The following BTBD9 variants were observed in gnomAD, a reference collection of about 807,000 sequenced individuals.
BTBD9 encodes the protein BTB/POZ domain-containing protein 9.
Under a neutral mutation model 64.3 loss-of-function variants are expected in BTBD9, and 49 were observed. That is an observed-to-expected ratio of 0.76 (90% confidence interval 0.61 to 0.97). The LOEUF is 0.97. Ranked by LOEUF, BTBD9 falls within the 50% of genes least tolerant of loss-of-function variation. The pLI, the probability that BTBD9 is intolerant of heterozygous loss-of-function variation, is 0.00. For synonymous variants in BTBD9, 260 were observed against 274.7 expected, an observed-to-expected ratio of 0.95 and a Z score of 0.53; for missense variants, 598 against 762.1, an observed-to-expected ratio of 0.78 and a Z score of 2.53.
chr6:38,266,621 AGAAAGAAAGAAAGAAAGAAAGAAAGAAAG>A (rs1764996690), intron 8 of BTBD9, among the ~76,000 whole-genome samples: 1 of 40,148 alleles, frequency 2.5e-5, no homozygotes, highest in African/African-American at 1.2e-4. Context: ...AAAGAAAGAA[AGAAAGAAAGAAAGAAAGAAAGAAAGAAAG>A]AAAGAAAGAA....
At chr6:38,452,321 G>A (rs1769591326) in intron 6 of BTBD9, among the ~76,000 whole-genome samples, 1 of 152,008 alleles carries the variant, frequency 6.6e-6, no homozygotes, top group Non-Finnish European at 1.5e-5. Flanking sequence ...TAGTTCCAAA[G>A]CCAATACAGT....
intron 9 of BTBD9, among the ~76,000 whole-genome samples, chr6:38,249,218 T>C (rs1044581025): frequency 6.6e-6 from 1 of 152,184 alleles, no homozygotes; most frequent in Non-Finnish European, 1.5e-5. Context: ...AAATTACTTA[T>C]AGATTTGTTC....
chr6:38,325,679 C>T lies in BTBD9; in HGVS notation c.1264+19305G>A, dbSNP rs193112027. On this transcript the variant is annotated intron_variant, in intron 7 of 10. Transcript: ENST00000481247. The stretch of plus-strand genomic sequence containing the variant: ...CAGCCTGGGCAACAGAGCAAGACTC[C>T]GTCTCAAAAACAAAAAAACAAAACA... 2.0e-4 allele frequency among the ~76,000 whole-genome samples: 30 copies of T among 152,086 alleles called. 1 individual carries two copies. Among genetic ancestry groups the T allele is most frequent in the Non-Finnish European group, 4.0e-4 (27 of 67,988 alleles).
intron 9 of BTBD9, among the ~76,000 whole-genome samples, chr6:38,238,297 T>C (rs893678313): frequency 1.3e-5 from 2 of 152,150 alleles, no homozygotes; most frequent in African/African-American, 2.4e-5. Context: ...TAGGGAGACG[T>C]GAGACGTCAA....
rs1189149393 is a variant in BTBD9, at chr6:38,175,048, A to G, written c.1776T>C (p.Ser592=). 6.2e-7 allele frequency: 1 copy of G among 1,614,190 alleles called. No individual in the cohort carries two copies. Among genetic ancestry groups the G allele is most frequent in the East Asian group, 2.2e-5 (1 of 44,884 alleles). Residue 592 remains serine (S), a synonymous_variant, in exon 11 of 11, where the codon AGT becomes AGC. Transcript: ENST00000481247. ...QLDSHALRAP[S]GSSLPSSPGS... ...CTGGGCTGGAGGGTAGTGAGCTGCC[A>G]CTAGGCGCCCGCAGCGCATGGGAGT...
At chr6:38,269,804 C>G (rs1765138346) in intron 8 of BTBD9, among the ~76,000 whole-genome samples, 1 of 152,210 alleles carries the variant, frequency 6.6e-6, no homozygotes, top group Non-Finnish European at 1.5e-5. Flanking sequence ...AGCATTCCCT[C>G]TTTGGAATGT....
At chr6:38,260,894 T>C (rs565896764) in intron 8 of BTBD9, among the ~76,000 whole-genome samples, 1 of 152,336 alleles carries the variant, frequency 6.6e-6, no homozygotes, top group South Asian at 2.1e-4. Flanking sequence ...ATCAATCTAT[T>C]ATTATCTGAC....
intron 6 of BTBD9, among the ~76,000 whole-genome samples, chr6:38,570,325 T>C (rs1445235800): frequency 6.6e-6 from 1 of 152,222 alleles, no homozygotes; most frequent in Non-Finnish European, 1.5e-5. Flanking sequence ...TTTCTTTACC[T>C]TGATTCTTGC....
intron 6 of BTBD9, among the ~76,000 whole-genome samples, chr6:38,396,380 T>C (rs565418682): frequency 5.1e-4 from 78 of 152,352 alleles, no homozygotes; most frequent in African/African-American, 1.7e-3. Context: ...TAACATATAC[T>C]GAGTCACCCT....
chr6:38,344,940 A>T (rs1226669342), intron 7 of BTBD9, 44 bp downstream of exon 7: 1 of 1,265,146 alleles, frequency 7.9e-7, no homozygotes, highest in Non-Finnish European at 1.1e-6. Flanking sequence ...ATTTGAAGAT[A>T]AAATATCCAA....
At chr6:38,608,624 T>C (rs903716093) in intron 1 of BTBD9, among the ~76,000 whole-genome samples, 2 of 152,210 alleles carry the variant, frequency 1.3e-5, no homozygotes, top group Non-Finnish European at 2.9e-5. Context: ...GAAATTGGCT[T>C]TTCATTTGTA....
chr6:38,464,864 G>A (rs561362829), intron 6 of BTBD9, among the ~76,000 whole-genome samples: 1 of 152,254 alleles, frequency 6.6e-6, no homozygotes, highest in South Asian at 2.1e-4. Flanking sequence ...CTCAGAGACT[G>A]AACTGGGAAA....
At chr6:38,443,702 G>A (rs772158029) in intron 6 of BTBD9, among the ~76,000 whole-genome samples, 12 of 151,908 alleles carry the variant, frequency 7.9e-5, no homozygotes, top group East Asian at 5.8e-4. Flanking sequence ...CCAATTAATC[G>A]CCAAGTCCTA....
chr6:38,460,851 G>A (rs1040978022), intron 6 of BTBD9, among the ~76,000 whole-genome samples: 1 of 152,206 alleles, frequency 6.6e-6, no homozygotes, highest in Admixed American at 6.5e-5. Context: ...TCCGTCTCCT[G>A]ACCTCAGGTG....
At chr6:38,266,626 GAA>G (rs1561947290) in intron 8 of BTBD9, among the ~76,000 whole-genome samples, 1 of 54,622 alleles carries the variant, frequency 1.8e-5, no homozygotes, top group African/African-American at 9.3e-5. Flanking sequence ...AAGAAAGAAA[GAA>G]AGAAAGAAAG....
chr6:38,384,418 C>T (rs939204942), intron 6 of BTBD9, among the ~76,000 whole-genome samples: 3 of 152,032 alleles, frequency 2.0e-5, no homozygotes, highest in Admixed American at 1.3e-4. Flanking sequence ...ATATAAATCC[C>T]TTTTTATCTT....
At chr6:38,388,735 C>A (rs1216379436) in intron 6 of BTBD9, among the ~76,000 whole-genome samples, 1 of 152,172 alleles carries the variant, frequency 6.6e-6, no homozygotes. Context: ...AACACCTATT[C>A]TGTTTCTAAA....
Position 38,492,485 on chromosome 6 carries a change from G to T in BTBD9, c.1154+85115C>A, listed in dbSNP as rs7739189. On this transcript the variant is annotated intron_variant, in intron 6 of 10. Coordinates refer to ENST00000481247, the MANE Select transcript of BTBD9 (RefSeq NM_001099272.2). The stretch of plus-strand genomic sequence containing the variant: ...AATACAGGCCACCTGTGTTATTTAT[G>T]AATTTAAAATAGAAGAATAAAGCAA... Among the ~76,000 whole-genome samples, 1,067 of 152,258 alleles carry T rather than the reference G, an allele frequency of 7.0e-3. 7 individuals carry two copies. Among genetic ancestry groups the T allele is most frequent in the African/African-American group, 0.024 (1,007 of 41,548 alleles).
intron 9 of BTBD9, among the ~76,000 whole-genome samples, chr6:38,240,178 G>A (rs1244681988): frequency 1.3e-5 from 2 of 152,206 alleles, no homozygotes; most frequent in Admixed American, 6.5e-5. Flanking sequence ...CATCTAGGTA[G>A]TAAGTACTTC....
Sources: allele counts gnomAD v4.1 joint callset (sites outside exome capture counted in the v4.1 genomes callset), GRCh38; gene constraint gnomAD v4.1.1; transcripts MANE v1.5; gene names NCBI Gene and HGNC (gene_info 2026-07-23, HGNC 2026-07-21).